Variants in GAS2 observed in about 807,000 individuals in gnomAD.
GAS2 encodes growth arrest-specific protein 2.
Under a neutral mutation model 37.5 loss-of-function variants are expected in GAS2, and 20 were observed. The ratio of observed to expected loss-of-function variants is 0.53; its 90% confidence interval spans 0.37 to 0.77. The LOEUF (loss-of-function observed/expected upper bound fraction) is 0.77. GAS2 is among the 30% of genes least tolerant of loss of function. The pLI, the probability that GAS2 is intolerant of heterozygous loss-of-function variation, is 0.00. For synonymous variants in GAS2, 144 were observed against 132.2 expected (o/e 1.09, Z -0.61); for missense variants, 336 against 373.4 (o/e 0.90, Z 0.82).
intron 4 of GAS2, among the ~76,000 whole-genome samples, chr11:22,732,944 C>G (rs901162618): frequency 5.5e-4 from 84 of 151,552 alleles, no homozygotes; most frequent in African/African-American, 1.5e-3. Context: ...TAATACAGTA[C>G]TTATCAAACT....
At chr11:22,663,144 G>A (rs1212923201), upstream of GAS2, among the ~76,000 whole-genome samples, 1 of 152,194 alleles carries the variant, frequency 6.6e-6, no homozygotes, top group African/African-American at 2.4e-5. Flanking sequence ...AAACCATTAG[G>A]TCTTGTGAGA....
At chr11:22,786,222 A>G (rs941568740) in intron 7 of GAS2, among the ~76,000 whole-genome samples, 5 of 152,142 alleles carry the variant, frequency 3.3e-5, no homozygotes, top group African/African-American at 9.7e-5. Context: ...TTACATTTAC[A>G]TGAGTTGGAT....
rs186486961 is a variant in GAS2 at position 22,653,217 on chromosome 11, G to A, written c.-20-21633G>A. ...ATATATAGTCAGAATAAGACTCATC[G>A]ACATTGCAGAATACAAATATTCTCA... On this transcript the variant is annotated intron_variant, in intron 1 of 5. Transcript: ENST00000528582. Among the ~76,000 whole-genome samples the A allele has an allele frequency of 9.3e-5, 14 of 151,110 alleles. No individual in the cohort carries two copies. The East Asian group carries it at 2.7e-3, about 29-fold the overall frequency.
intron 3 of GAS2, among the ~76,000 whole-genome samples, chr11:22,707,585 G>A (rs557648650): frequency 6.6e-6 from 1 of 152,250 alleles, no homozygotes; most frequent in Admixed American, 6.6e-5. Context: ...AAGTGCTCGG[G>A]GAAGTTTGCA....
chr11:22,801,498 C>A (rs1856663554), intron 7 of GAS2, among the ~76,000 whole-genome samples: 1 of 151,024 alleles, frequency 6.6e-6, no homozygotes, highest in African/African-American at 2.4e-5. Flanking sequence ...TAAAAGGTCT[C>A]AAAAATGTGT....
At chr11:22,628,514 C>T (rs1858694301) in intron 1 of GAS2, among the ~76,000 whole-genome samples, 1 of 152,170 alleles carries the variant, frequency 6.6e-6, no homozygotes, top group Non-Finnish European at 1.5e-5. Flanking sequence ...AGAAAAAGGC[C>T]AAATTTCAGC....
intron 1 of GAS2, chr11:22,626,397 A>G (rs1858653545): frequency 6.4e-6 from 1 of 155,274 alleles, no homozygotes; most frequent in African/African-American, 2.4e-5. Flanking sequence ...ATAATTTATT[A>G]AAATTTGCAA....
chr11:22,765,776 C>A (rs1184269099), intron 7 of GAS2, among the ~76,000 whole-genome samples: 52 of 141,068 alleles, frequency 3.7e-4, no homozygotes, highest in Middle Eastern at 3.6e-3. Context: ...GAGACTCTGT[C>A]AAAAAAAAAA....
At chr11:22,756,048 G>A in intron 7 of GAS2, 95 bp downstream of exon 7, 1 of 795,142 alleles carries the variant, frequency 1.3e-6, no homozygotes, top group African/African-American at 1.7e-5. Flanking sequence ...ACTTCCATAT[G>A]GTGCTTACGT....
At chr11:22,662,522 C>T (rs554623055), upstream of GAS2, among the ~76,000 whole-genome samples, 2 of 152,156 alleles carry the variant, frequency 1.3e-5, no homozygotes, top group African/African-American at 4.8e-5. Flanking sequence ...GTGGAAAAGA[C>T]AAGAAAGGTT....
At chr11:22,648,910 C>G (rs1200786468) in intron 1 of GAS2, among the ~76,000 whole-genome samples, 1 of 151,698 alleles carries the variant, frequency 6.6e-6, no homozygotes, top group Non-Finnish European at 1.5e-5. Flanking sequence ...CCCTTTATTT[C>G]CTTCTCCTGC....
intron 3 of GAS2, among the ~76,000 whole-genome samples, chr11:22,715,045 C>CA (rs1275441961): frequency 6.6e-6 from 1 of 151,846 alleles, no homozygotes; most frequent in East Asian, 1.9e-4. Context: ...GAAACAATGA[C>CA]AAAAAATACA....
intron 7 of GAS2, among the ~76,000 whole-genome samples, chr11:22,801,877 C>G (rs900394439): frequency 6.6e-6 from 1 of 152,042 alleles, no homozygotes; most frequent in Non-Finnish European, 1.5e-5. Context: ...GAAACACTTT[C>G]CCTCTTACTG....
intron 4 of GAS2, among the ~76,000 whole-genome samples, chr11:22,734,602 AG>A (rs975524775): frequency 4.6e-5 from 7 of 151,726 alleles, no homozygotes; most frequent in African/African-American, 1.7e-4. Flanking sequence ...AATAATGAAA[AG>A]AAAAAAATAT....
At chr11:22,649,682 T>A (rs1279669039) in intron 1 of GAS2, among the ~76,000 whole-genome samples, 2 of 152,234 alleles carry the variant, frequency 1.3e-5, no homozygotes, top group East Asian at 1.9e-4. Context: ...CCATTTCTTC[T>A]AGATTTTCTA....
At chr11:22,725,088 C>T (rs981807641) in intron 3 of GAS2, among the ~76,000 whole-genome samples, 3 of 151,928 alleles carry the variant, frequency 2.0e-5, no homozygotes, top group Admixed American at 1.3e-4. Context: ...CCAGTTCACC[C>T]GAAGTCATGC....
chr11:22,684,008 C>T (rs1375605898), intron 2 of GAS2, among the ~76,000 whole-genome samples: 1 of 152,140 alleles, frequency 6.6e-6, no homozygotes, highest in East Asian at 1.9e-4. Context: ...GATGAATCTC[C>T]CTCTGGAACT....
intron 6 of GAS2, among the ~76,000 whole-genome samples, chr11:22,751,111 T>C (rs1214192437): frequency 6.6e-6 from 1 of 151,984 alleles, no homozygotes; most frequent in African/African-American, 2.4e-5. Flanking sequence ...CTCTATAACA[T>C]TTGGGTGAAA....
intron 1 of GAS2, among the ~76,000 whole-genome samples, chr11:22,640,647 A>T (rs1858898306): frequency 6.6e-6 from 1 of 152,218 alleles, no homozygotes; most frequent in African/African-American, 2.4e-5. Context: ...AAGCAAGCTT[A>T]ATTTCTCTCT....
Sources: gnomAD v4.1 joint callset for allele counts (sites outside exome capture counted in the v4.1 genomes callset) on GRCh38, gnomAD v4.1.1 for gene constraint, MANE v1.5 for transcripts, NCBI Gene and HGNC (gene_info 2026-07-23, HGNC 2026-07-21) for gene names.